The following TMED3 variants were observed in gnomAD, a reference collection of about 807,000 sequenced individuals.
The protein encoded by TMED3 is transmembrane p24 trafficking protein 3, also known as transmembrane emp24 domain-containing protein 3.
Under a neutral mutation model 15.0 loss-of-function variants are expected in TMED3, and 9 were observed. The observed-to-expected ratio is 0.60, with a 90% CI of 0.36 to 1.04. The LOEUF is 1.04. Among genes scored for constraint, TMED3 ranks in the 50% least tolerant of loss-of-function variants. TMED3 has a pLI of 0.01. For missense variants in TMED3, 267 were observed against 278.9 expected (o/e 0.96, Z 0.30); for synonymous variants, 117 against 121.4 (o/e 0.96, Z 0.24).
At chr15:79,363,914 C>A (rs977424410) in intron 2 of TMED3, among the ~76,000 whole-genome samples, 3 of 152,066 alleles carry the variant, frequency 2.0e-5, no homozygotes, top group Admixed American at 1.3e-4. Context: ...CCAAACTCTC[C>A]GATGTCTTAC....
intron 2 of TMED3, among the ~76,000 whole-genome samples, chr15:79,366,856 C>T (rs1893246861): frequency 6.6e-6 from 1 of 152,080 alleles, no homozygotes; most frequent in African/African-American, 2.4e-5. Flanking sequence ...TTCAGCATTC[C>T]AGCAGCCCTT....
chr15:79,399,279 C>A (rs982174405), intron 2 of TMED3, among the ~76,000 whole-genome samples: 1 of 152,122 alleles, frequency 6.6e-6, no homozygotes, highest in Non-Finnish European at 1.5e-5. Context: ...AATATCTGAG[C>A]TCCCCAAGGC....
rs144022814 is a variant in TMED3 at position 79,407,160 on chromosome 15, C to A, written c.418-4240C>A. Among the ~76,000 whole-genome samples, 59 of 152,336 alleles carry A rather than the reference C, an allele frequency of 3.9e-4. No individual in the cohort carries two copies. The East Asian group carries it at 0.011, about 29-fold the overall frequency. On this transcript the variant is annotated intron_variant, in intron 2 of 2. Transcript: ENST00000424155. ...CCTCTATATGCTGCCAAGGCAGACC[C>A]AGTGTCTCAACTTCATTTGCTGAAG... is the stretch of plus-strand genomic sequence containing the variant.
At chr15:79,311,451 C>T (rs1412870458) in intron 1 of TMED3, 34 bp downstream of exon 1, 10 of 1,583,438 alleles carry the variant, frequency 6.3e-6, no homozygotes, top group African/African-American at 1.4e-5. Context: ...CTCCCTTCTC[C>T]CTCCACTCCC....
At chr15:79,388,977 T>G (rs1022724670) in intron 2 of TMED3, among the ~76,000 whole-genome samples, 8 of 152,354 alleles carry the variant, frequency 5.3e-5, no homozygotes, top group Middle Eastern at 3.4e-3. Context: ...TTGTTGTAGA[T>G]TCTGGATATT....
chr15:79,383,108 T>C (rs1893565035), intron 2 of TMED3: 1 of 1,319,748 alleles, frequency 7.6e-7, no homozygotes, highest in Non-Finnish European at 1.1e-6. Context: ...GATCGCCAGG[T>C]ACCCACAGCT....
intron 2 of TMED3, among the ~76,000 whole-genome samples, chr15:79,368,414 G>A (rs1385790485): frequency 6.6e-6 from 1 of 152,148 alleles, no homozygotes; most frequent in Non-Finnish European, 1.5e-5. Flanking sequence ...AGTGAAAAAG[G>A]TGGGGTTTGC....
At chr15:79,378,291 C>T (rs1265403710) in intron 2 of TMED3, among the ~76,000 whole-genome samples, 2 of 152,128 alleles carry the variant, frequency 1.3e-5, no homozygotes, top group African/African-American at 4.8e-5. Flanking sequence ...GTAGGGATGG[C>T]TGTTTAAACA....
chr15:79,373,747 A>G (rs1480407255), intron 2 of TMED3, among the ~76,000 whole-genome samples: 1 of 152,206 alleles, frequency 6.6e-6, no homozygotes, highest in Non-Finnish European at 1.5e-5. Flanking sequence ...GCTTGGTTTT[A>G]TACAGGGGAA....
chr15:79,311,167 A>G lies in TMED3; in HGVS notation c.-83A>G. The G allele has an allele frequency of 3.4e-6, 5 of 1,454,928 alleles. No individual in the cohort carries two copies. The highest frequency in any genetic ancestry group is 1.3e-5 in the South Asian group (1 of 75,180). 90.1% of individuals were successfully genotyped at this position (1,454,928 alleles called of 1,614,324 possible). The stretch of plus-strand genomic sequence containing the variant: ...CACGTCTATCCCCTTACATCCTCCT[A>G]GGACCCGGTCGGTAGTCGTCGCCCC... On this transcript the variant is annotated 5_prime_UTR_variant, in exon 1 of 3. Transcript: ENST00000299705.
chr15:79,371,290 G>A (rs1893333690), intron 2 of TMED3, among the ~76,000 whole-genome samples: 1 of 152,174 alleles, frequency 6.6e-6, no homozygotes, highest in Non-Finnish European at 1.5e-5. Context: ...ATGTGGCTAT[G>A]TTAAGAAAAT....
At chr15:79,385,188 A>G (rs1490785254) in intron 2 of TMED3, among the ~76,000 whole-genome samples, 1 of 152,184 alleles carries the variant, frequency 6.6e-6, no homozygotes, top group Non-Finnish European at 1.5e-5. Context: ...CCTGGGGCTG[A>G]CACACAGAAC....
chr15:79,354,860 T>C lies in TMED3; in HGVS notation c.417+40855T>C, dbSNP rs545412171. Among the ~76,000 whole-genome samples the C allele has an allele frequency of 9.2e-5, 14 of 152,258 alleles. No individual in the cohort carries two copies. In the South Asian group the frequency reaches 2.9e-3, roughly 32 times the overall value. ...TCTGCCCCCCCATTCCGTTTTTAGC[T>C]TGATTCTGATCTTTCTCTGGGGTGA... On this transcript the variant is annotated intron_variant, in intron 2 of 2. Transcript: ENST00000424155.
At chr15:79,366,859 C>A (rs1390006122) in intron 2 of TMED3, among the ~76,000 whole-genome samples, 1 of 152,086 alleles carries the variant, frequency 6.6e-6, no homozygotes, top group Non-Finnish European at 1.5e-5. Flanking sequence ...AGCATTCCAG[C>A]AGCCCTTTGT....
At chr15:79,413,496 A>G (rs554414000) in exon 3 of TMED3, 15 of 152,360 alleles carry the variant, frequency 9.8e-5, no homozygotes, top group African/African-American at 3.6e-4. Flanking sequence ...TTCTTGACTG[A>G]AATAATCACC....
At chr15:79,404,204 C>A (rs1005933960) in intron 2 of TMED3, among the ~76,000 whole-genome samples, 2 of 152,190 alleles carry the variant, frequency 1.3e-5, no homozygotes, top group African/African-American at 4.8e-5. Flanking sequence ...TTAGTCAAAC[C>A]CCTATATGAA....
intron 2 of TMED3, among the ~76,000 whole-genome samples, chr15:79,331,672 C>T (rs1388671477): frequency 6.6e-6 from 1 of 151,718 alleles, no homozygotes; most frequent in Non-Finnish European, 1.5e-5. Flanking sequence ...GGATTAATAT[C>T]CAGACTGTAC....
chr15:79,323,010 G>A (rs1567023583), downstream of TMED3: 1 of 590,870 alleles, frequency 1.7e-6, no homozygotes, highest in East Asian at 1.4e-4. Context: ...CCAGGTGACT[G>A]AAAACAAAAT....
At chr15:79,404,971 T>C (rs1167804369) in intron 2 of TMED3, among the ~76,000 whole-genome samples, 1 of 152,212 alleles carries the variant, frequency 6.6e-6, no homozygotes, top group South Asian at 2.1e-4. Flanking sequence ...GGGTATAAGT[T>C]GAGGAGGTGG....
Sources: gnomAD v4.1 joint callset for allele counts (sites outside exome capture counted in the v4.1 genomes callset) on GRCh38, gnomAD v4.1.1 for gene constraint, MANE v1.5 for transcripts, NCBI Gene and HGNC (gene_info 2026-07-23, HGNC 2026-07-21) for gene names.